Variants in EYS observed in about 807,000 individuals in gnomAD.
The protein encoded by EYS is protein eyes shut homolog.
EYS carries 250 observed loss-of-function variants against 282.1 expected under a neutral mutation model. The ratio of observed to expected loss-of-function variants is 0.89; its 90% CI spans 0.80 to 0.98. The LOEUF (loss-of-function observed/expected upper bound fraction) is 0.98. EYS is among the 50% of genes least tolerant of loss of function. EYS has a pLI of 0.00. For synonymous variants in EYS, 1,355 were observed against 1,282.9 expected, an observed-to-expected ratio of 1.06 and a Z score of -1.20; for missense variants, 4,016 against 3,709.0, an observed-to-expected ratio of 1.08 and a Z score of -2.15.
intron 22 of EYS, among the ~76,000 whole-genome samples, chr6:64,747,628 T>A (rs939653352): frequency 1.3e-5 from 2 of 152,202 alleles, no homozygotes; most frequent in African/African-American, 4.8e-5. Flanking sequence ...TCTGCCTGCC[T>A]CAGGCTCCCA....
intron 12 of EYS, among the ~76,000 whole-genome samples, chr6:65,282,731 GAC>G (rs1453708092): frequency 6.6e-6 from 1 of 151,892 alleles, no homozygotes; most frequent in African/African-American, 2.4e-5. Context: ...TTTCCATAAA[GAC>G]ATGTGCACAT....
chr6:64,845,813 C>T (rs1765698626), intron 19 of EYS, among the ~76,000 whole-genome samples: 1 of 152,118 alleles, frequency 6.6e-6, no homozygotes, highest in Admixed American at 6.6e-5. Flanking sequence ...AAAATTCTCT[C>T]TTCCTTTTCT....
At chr6:64,290,900 A>G (rs1393059635) in intron 30 of EYS, among the ~76,000 whole-genome samples, 1 of 151,398 alleles carries the variant, frequency 6.6e-6, no homozygotes, top group Non-Finnish European at 1.5e-5. Context: ...ACAACTACTC[A>G]ACTGTGGTTG....
chr6:65,570,653 A>G (rs1764445916), intron 2 of EYS, among the ~76,000 whole-genome samples: 1 of 152,170 alleles, frequency 6.6e-6, no homozygotes, highest in Non-Finnish European at 1.5e-5. Context: ...TCAACAAAAA[A>G]TAGCCAATAA....
At chr6:63,920,555 A>G (rs1404578007) in intron 35 of EYS, among the ~76,000 whole-genome samples, 1 of 152,116 alleles carries the variant, frequency 6.6e-6, no homozygotes, top group African/African-American at 2.4e-5. Flanking sequence ...GATGATCTCC[A>G]AGTGTCTAGT....
intron 12 of EYS, among the ~76,000 whole-genome samples, chr6:65,244,898 A>G (rs1317005689): frequency 2.0e-5 from 3 of 152,086 alleles, no homozygotes; most frequent in Non-Finnish European, 1.5e-5. Context: ...GTTTATTTTT[A>G]TTTCTATATT....
chr6:64,839,163 A>G (rs1412912573), intron 19 of EYS, among the ~76,000 whole-genome samples: 1 of 152,068 alleles, frequency 6.6e-6, no homozygotes, highest in Non-Finnish European at 1.5e-5. Flanking sequence ...GATCCAAAGC[A>G]ATCATACTGA....
chr6:64,771,237 C>T (rs1375426044), intron 22 of EYS, among the ~76,000 whole-genome samples: 1 of 151,228 alleles, frequency 6.6e-6, no homozygotes, highest in East Asian at 1.9e-4. Context: ...TAGCTAGATC[C>T]CCTTTCTTAT....
intron 31 of EYS, among the ~76,000 whole-genome samples, chr6:64,148,001 C>T (rs1230635698): frequency 6.6e-6 from 1 of 152,136 alleles, no homozygotes; most frequent in Non-Finnish European, 1.5e-5. Flanking sequence ...GCAAAAAACC[C>T]TAGGCCAAAG....
intron 35 of EYS, among the ~76,000 whole-genome samples, chr6:63,979,538 G>A (rs1009439918): frequency 1.3e-5 from 2 of 151,932 alleles, no homozygotes; most frequent in Non-Finnish European, 2.9e-5. Flanking sequence ...TGTCAGTGAT[G>A]TAAGTTTCTA....
intron 12 of EYS, among the ~76,000 whole-genome samples, chr6:65,111,067 T>C (rs1194923672): frequency 6.6e-6 from 1 of 152,040 alleles, no homozygotes; most frequent in East Asian, 1.9e-4. Flanking sequence ...AGGAAATATG[T>C]GCATAGAAAA....
chr6:65,651,458 C>A (rs894783277), intron 1 of EYS, among the ~76,000 whole-genome samples: 2 of 151,826 alleles, frequency 1.3e-5, no homozygotes, highest in Non-Finnish European at 2.9e-5. Context: ...ATATTGACTG[C>A]CATTGTCTCT....
At chr6:64,202,564 A>T (rs1453853668) in intron 31 of EYS, among the ~76,000 whole-genome samples, 1 of 152,200 alleles carries the variant, frequency 6.6e-6, no homozygotes, top group Non-Finnish European at 1.5e-5. Flanking sequence ...AGCATAGATA[A>T]TCGAAAACAG....
intron 8 of EYS, among the ~76,000 whole-genome samples, chr6:65,363,615 T>C (rs1295839598): frequency 1.3e-5 from 2 of 151,920 alleles, no homozygotes; most frequent in Non-Finnish European, 2.9e-5. Flanking sequence ...GACTTTAATA[T>C]TCTTTTTAAT....
intron 5 of EYS, among the ~76,000 whole-genome samples, chr6:65,488,649 A>G (rs937791515): frequency 9.8e-5 from 15 of 152,302 alleles, no homozygotes; most frequent in African/African-American, 3.4e-4. Context: ...ATGGAACCAA[A>G]AAAGAGCCCA....
chr6:65,180,985 G>A (rs904150735), intron 12 of EYS, among the ~76,000 whole-genome samples: 98 of 152,166 alleles, frequency 6.4e-4, no homozygotes, highest in African/African-American at 8.4e-4. Flanking sequence ...AAATGGTGCC[G>A]GGAAAACTGG....
At chr6:63,861,782 G>A (rs1247719054) in intron 36 of EYS, among the ~76,000 whole-genome samples, 1 of 152,174 alleles carries the variant, frequency 6.6e-6, no homozygotes, top group Non-Finnish European at 1.5e-5. Flanking sequence ...CCTTCCATGT[G>A]AGGACACAGT....
chr6:64,566,371 C>T (rs1053042875), intron 26 of EYS, among the ~76,000 whole-genome samples: 5 of 152,094 alleles, frequency 3.3e-5, no homozygotes, highest in African/African-American at 1.2e-4. Flanking sequence ...CAAACAGTGC[C>T]TCTGCTGGTA....
intron 21 of EYS, 81 bp from the exon 22 acceptor site, chr6:64,813,658 A>G (rs1764665350): frequency 2.3e-6 from 2 of 876,816 alleles, no homozygotes; most frequent in Non-Finnish European, 3.2e-6. Flanking sequence ...TTATTTAAAC[A>G]TAATCTAAAA....
Sources: allele counts gnomAD v4.1 joint callset (sites outside exome capture counted in the v4.1 genomes callset), GRCh38; gene constraint gnomAD v4.1.1; transcripts MANE v1.5; gene names NCBI Gene and HGNC (gene_info 2026-07-23, HGNC 2026-07-21).